Variants in LRMDA observed in about 807,000 individuals in gnomAD.
The protein encoded by LRMDA is leucine rich melanocyte differentiation associated.
A neutral mutation model predicts 29.8 loss-of-function variants in LRMDA; 18 were observed. The ratio of observed to expected loss-of-function variants is 0.60; its 90% CI spans 0.42 to 0.90. The LOEUF (loss-of-function observed/expected upper bound fraction) is 0.90, where lower values mean the gene tolerates loss of function less well. LRMDA is among the 40% of genes least tolerant of loss of function. The pLI, the probability that LRMDA is intolerant of heterozygous loss-of-function variation, is 0.00. For synonymous variants in LRMDA, 125 were observed against 109.4 expected, an observed-to-expected ratio of 1.14 and a Z score of -0.89; for missense variants, 273 against 273.9, an observed-to-expected ratio of 1.00 and a Z score of 0.02.
At chr10:76,359,208 G>A (rs1438980372) in intron 6 of LRMDA, among the ~76,000 whole-genome samples, 1 of 152,154 alleles carries the variant, frequency 6.6e-6, no homozygotes, top group Non-Finnish European at 1.5e-5. Flanking sequence ...ACTAATGCTG[G>A]TAACAAGTAC....
intron 2 of LRMDA, among the ~76,000 whole-genome samples, chr10:75,700,815 AG>A (rs1195291352): frequency 6.6e-6 from 1 of 152,126 alleles, no homozygotes. Context: ...TGAAAAAAAC[AG>A]GGTCCTAGGT....
chr10:75,593,257 G>T (rs941188486), intron 2 of LRMDA, among the ~76,000 whole-genome samples: 3 of 152,050 alleles, frequency 2.0e-5, no homozygotes, highest in African/African-American at 7.2e-5. Flanking sequence ...GTTTTTTCTT[G>T]AGTGCAATAA....
At chr10:76,121,401 A>G (rs527507252) in intron 5 of LRMDA, among the ~76,000 whole-genome samples, 1 of 152,296 alleles carries the variant, frequency 6.6e-6, no homozygotes, top group Non-Finnish European at 1.5e-5. Flanking sequence ...TCAGATGTTT[A>G]GAAGGAGGAA....
intron 5 of LRMDA, among the ~76,000 whole-genome samples, chr10:76,059,174 C>T (rs962832750): frequency 2.6e-5 from 4 of 152,042 alleles, no homozygotes; most frequent in African/African-American, 9.7e-5. Context: ...TGTTTGCCAC[C>T]AAAGGGAAGC....
chr10:75,911,809 C>A (rs1232889298), intron 2 of LRMDA, among the ~76,000 whole-genome samples: 1 of 152,194 alleles, frequency 6.6e-6, no homozygotes, highest in African/African-American at 2.4e-5. Context: ...TCCTGAGTGC[C>A]TGCCACATGC....
chr10:75,533,251 T>C (rs1845498774), intron 2 of LRMDA, among the ~76,000 whole-genome samples: 2 of 152,214 alleles, frequency 1.3e-5, no homozygotes, highest in Non-Finnish European at 2.9e-5. Flanking sequence ...GCTGAGATAT[T>C]AGTATATTTA....
intron 2 of LRMDA, among the ~76,000 whole-genome samples, chr10:75,926,713 G>GCACCCACT (rs1271705667): frequency 5.3e-5 from 8 of 152,208 alleles, no homozygotes; most frequent in Non-Finnish European, 8.8e-5. Flanking sequence ...CCACACTCTA[G>GCACCCACT]CACCCACTCA....
chr10:76,069,596 GCTGT>G (rs1848842394), intron 5 of LRMDA, among the ~76,000 whole-genome samples: 1 of 151,010 alleles, frequency 6.6e-6, no homozygotes, highest in Non-Finnish European at 1.5e-5. Context: ...AGGCTCCAAA[GCTGT>G]CTTTTTTTTT....
chr10:76,506,714 T>C (rs185380182), intron 6 of LRMDA, among the ~76,000 whole-genome samples: 1 of 151,934 alleles, frequency 6.6e-6, no homozygotes, highest in East Asian at 1.9e-4. Context: ...ATATGAATTA[T>C]AACATACAAT....
At chr10:75,546,678 G>A (rs565477531) in intron 2 of LRMDA, among the ~76,000 whole-genome samples, 24 of 152,316 alleles carry the variant, frequency 1.6e-4, no homozygotes, top group African/African-American at 5.8e-4. Context: ...CAAAAGAAGT[G>A]TAATAATGGA....
intron 2 of LRMDA, among the ~76,000 whole-genome samples, chr10:75,869,292 G>T (rs1845069854): frequency 6.6e-6 from 1 of 152,186 alleles, no homozygotes; most frequent in Admixed American, 6.5e-5. Flanking sequence ...TAATAATGAA[G>T]TTGAGACTGG....
At chr10:76,106,587 T>G (rs1482679270) in intron 5 of LRMDA, among the ~76,000 whole-genome samples, 1 of 152,198 alleles carries the variant, frequency 6.6e-6, no homozygotes, top group Admixed American at 6.5e-5. Context: ...GATCACCCTT[T>G]GTATACCTGA....
chr10:76,514,896 A>G lies in LRMDA; in HGVS notation c.602-42313A>G, dbSNP rs192334269. ...AAGATAGTGCTTTTGTTCAAGTACA[A>G]TTGGTACTGACTACTACCTCTACCT... is the stretch of plus-strand genomic sequence containing the variant. On this transcript the variant is annotated intron_variant, in intron 6 of 6. Transcript: ENST00000611255. Among the ~76,000 whole-genome samples, 7 of 152,328 alleles carry G rather than the reference A, an allele frequency of 4.6e-5. No homozygotes were observed. The East Asian group carries it at 9.6e-4, about 21-fold the overall frequency.
chr10:76,528,919 T>G (rs1843205934), intron 6 of LRMDA, among the ~76,000 whole-genome samples: 1 of 152,192 alleles, frequency 6.6e-6, no homozygotes, highest in South Asian at 2.1e-4. Context: ...AAAGGCAAGG[T>G]GAGCACTGCT....
intron 2 of LRMDA, among the ~76,000 whole-genome samples, chr10:75,835,526 T>A (rs967969373): frequency 6.6e-6 from 1 of 152,184 alleles, no homozygotes; most frequent in Non-Finnish European, 1.5e-5. Context: ...TGGGGTGGTG[T>A]TATGTAGCCT....
At chr10:75,876,206 A>T (rs1845195579) in intron 2 of LRMDA, among the ~76,000 whole-genome samples, 1 of 152,224 alleles carries the variant, frequency 6.6e-6, no homozygotes, top group Non-Finnish European at 1.5e-5. Context: ...GTCAGCCTGA[A>T]GAGTGTCCTG....
At chr10:75,598,966 C>T (rs1840843630) in intron 2 of LRMDA, among the ~76,000 whole-genome samples, 1 of 152,022 alleles carries the variant, frequency 6.6e-6, no homozygotes, top group African/African-American at 2.4e-5. Context: ...TGATTTTGTG[C>T]ATTCCTTGTC....
chr10:76,161,187 CT>C lies in LRMDA; in HGVS notation c.516+102406del, dbSNP rs35943535. On this transcript the variant is annotated intron_variant, in intron 5 of 6. Coordinates refer to ENST00000611255, the MANE Select transcript of LRMDA (RefSeq NM_001305581.2). ...GAGAAACATGAAAAGGGAAAGAGAT[CT>C]TGTCTCTGACTCACGTATTTCTCTT... 2.3e-3 allele frequency among the ~76,000 whole-genome samples: 357 copies of C among 152,180 alleles called. 2 individuals carry two copies. The highest frequency in any genetic ancestry group is 4.3e-3 in the Non-Finnish European group (292 of 67,986).
intron 2 of LRMDA, among the ~76,000 whole-genome samples, chr10:75,614,925 G>C (rs1455397903): frequency 6.6e-6 from 1 of 152,162 alleles, no homozygotes; most frequent in Non-Finnish European, 1.5e-5. Context: ...CTTCTCCCTG[G>C]GGAGATGGAG....
Sources: allele counts gnomAD v4.1 joint callset (sites outside exome capture counted in the v4.1 genomes callset), GRCh38; gene constraint gnomAD v4.1.1; transcripts MANE v1.5; gene names NCBI Gene and HGNC (gene_info 2026-07-23, HGNC 2026-07-21).